The following SCN11A variants were observed in gnomAD, a reference collection of about 807,000 sequenced individuals.
SCN11A encodes the protein sodium channel protein type 11 subunit alpha.
In SCN11A, 122 loss-of-function variants were observed where a neutral mutation model predicts 162.2. That is an observed-to-expected ratio of 0.75 (90% confidence interval 0.65 to 0.87). The LOEUF is 0.87. Among genes scored for constraint, SCN11A ranks in the 40% least tolerant of loss-of-function variants. The pLI is 0.00. For synonymous variants in SCN11A, 758 were observed against 751.5 expected (o/e 1.01, Z -0.14); for missense variants, 2,015 against 2,181.6 (o/e 0.92, Z 1.52).
chr3:39,050,003 A>C (rs2032283144), intron 1 of SCN11A, among the ~76,000 whole-genome samples: 2 of 152,252 alleles, frequency 1.3e-5, no homozygotes, highest in South Asian at 4.1e-4. Context: ...AGCAAGTACC[A>C]GTATATTGTC....
At chr3:38,892,943 AT>A (rs1245970549) in intron 19 of SCN11A, among the ~76,000 whole-genome samples, 2 of 152,158 alleles carry the variant, frequency 1.3e-5, no homozygotes, top group Non-Finnish European at 2.9e-5. Context: ...CAGTAGAGAA[AT>A]AATAAAGGAA....
At chr3:38,915,565 A>C (rs1047411187) in intron 11 of SCN11A, among the ~76,000 whole-genome samples, 1 of 152,160 alleles carries the variant, frequency 6.6e-6, no homozygotes, top group African/African-American at 2.4e-5. Flanking sequence ...TTTACCCAAA[A>C]GTCATTCAGA....
chr3:38,879,418 T>A (rs1342726103), intron 23 of SCN11A, among the ~76,000 whole-genome samples: 2 of 152,158 alleles, frequency 1.3e-5, no homozygotes, highest in Non-Finnish European at 2.9e-5. Flanking sequence ...AAATTGATAA[T>A]CCTCTGAGCT....
intron 19 of SCN11A, among the ~76,000 whole-genome samples, chr3:38,893,260 G>C (rs888340500): frequency 1.3e-5 from 2 of 152,038 alleles, no homozygotes; most frequent in Non-Finnish European, 2.9e-5. Flanking sequence ...AAACTTACTA[G>C]AGATAAAGAG....
intron 2 of SCN11A, among the ~76,000 whole-genome samples, chr3:38,968,057 G>A (rs1174227510): frequency 6.6e-6 from 1 of 152,204 alleles, no homozygotes; most frequent in Non-Finnish European, 1.5e-5. Context: ...AATTCAAGGG[G>A]AGAGAAGCTT....
At chr3:38,904,516 C>CATCTAT (rs2065759352) in intron 15 of SCN11A, among the ~76,000 whole-genome samples, 1 of 152,050 alleles carries the variant, frequency 6.6e-6, no homozygotes, top group Non-Finnish European at 1.5e-5. Context: ...AGGGAAGGGG[C>CATCTAT]ATCTATAAGC....
At chr3:38,963,455 T>TATATATATATATGATGGAG (rs1559558402) in intron 2 of SCN11A, among the ~76,000 whole-genome samples, 3 of 125,134 alleles carry the variant, frequency 2.4e-5, no homozygotes, top group Admixed American at 2.4e-4. Context: ...GATGGAGATA[T>TATATATATATATGATGGAG]ATATATATAT....
intron 3 of SCN11A, among the ~76,000 whole-genome samples, chr3:38,958,739 TAAC>T (rs1375293248): frequency 6.6e-6 from 1 of 152,206 alleles, no homozygotes; most frequent in African/African-American, 2.4e-5. Context: ...CTAAACCCTA[TAAC>T]AAGAACATTT....
Position 38,894,825 on chromosome 3 carries a change from T to C in SCN11A, c.2543A>G (p.His848Arg). Residue 848 changes from histidine to arginine, a missense_variant, in exon 19 of 30, where the codon CAC becomes CGC. Transcript: ENST00000302328. ...CTTGTGACAGAAATGCTCAAGAGTG[T>C]GTCTCACAAAACAAAAAGCCCGGCG... ...RFRRAFCFVR[H>R]TLEHFCHKWC... 1 of 1,614,222 alleles carries C rather than the reference T, an allele frequency of 6.2e-7. No homozygotes were observed. Among genetic ancestry groups the C allele is most frequent in the Non-Finnish European group, 8.5e-7 (1 of 1,180,038 alleles).
chr3:38,900,679 A>C (rs1487180642), intron 16 of SCN11A, among the ~76,000 whole-genome samples: 1 of 152,140 alleles, frequency 6.6e-6, no homozygotes, highest in Non-Finnish European at 1.5e-5. Context: ...GATAAGCCTT[A>C]AATTTGTTAT....
intron 2 of SCN11A, among the ~76,000 whole-genome samples, chr3:38,999,842 T>C (rs941480446): frequency 1.3e-5 from 2 of 152,174 alleles, no homozygotes; most frequent in Non-Finnish European, 2.9e-5. Context: ...GGTACTCCAA[T>C]AGTAAATACT....
At chr3:38,875,542 G>A (rs2065194089) in intron 23 of SCN11A, among the ~76,000 whole-genome samples, 2 of 152,024 alleles carry the variant, frequency 1.3e-5, no homozygotes, top group Admixed American at 6.6e-5. Context: ...CAAATCAGTA[G>A]CACTGTGATA....
chr3:38,988,531 C>T (rs2030341309), intron 2 of SCN11A, among the ~76,000 whole-genome samples: 1 of 152,088 alleles, frequency 6.6e-6, no homozygotes, highest in Non-Finnish European at 1.5e-5. Flanking sequence ...CCTGTCCAGC[C>T]CTTACTCCAT....
intron 7 of SCN11A, among the ~76,000 whole-genome samples, chr3:38,931,402 C>T (rs774229200): frequency 4.6e-5 from 7 of 152,118 alleles, no homozygotes; most frequent in East Asian, 1.9e-4. Context: ...GACCACTAAC[C>T]GGTGTCCCAG....
At chr3:38,874,425 C>T (rs1181454561) in intron 23 of SCN11A, among the ~76,000 whole-genome samples, 1 of 152,116 alleles carries the variant, frequency 6.6e-6, no homozygotes, top group Non-Finnish European at 1.5e-5. Context: ...TGGTAAAACC[C>T]TGTCTCCATA....
At chr3:38,995,099 A>G (rs922189046) in intron 2 of SCN11A, among the ~76,000 whole-genome samples, 1 of 152,092 alleles carries the variant, frequency 6.6e-6, no homozygotes, top group South Asian at 2.1e-4. Flanking sequence ...AAATAAGCCC[A>G]TATCAGCATA....
At position 39,029,817 on chromosome 3, in the gene SCN11A, T is replaced by G. The variant is rs942873366; in HGVS notation, c.-280+2563A>C. Among the ~76,000 whole-genome samples the G allele has an allele frequency of 4.6e-5, 7 of 152,214 alleles. 1 individual carries two copies. The highest frequency in any genetic ancestry group is 4.6e-4 in the Admixed American group (7 of 15,282). On this transcript the variant is annotated intron_variant, in intron 2 of 29. Coordinates refer to ENST00000302328, the MANE Select transcript of SCN11A (RefSeq NM_001349253.2). ...TGTACAACCAATTAGCAAAGAAAGA[T>G]TCCAGATTCACAACCCTAATTTTGA...
chr3:38,909,583 CTTTTTTT>C (rs57060960), intron 12 of SCN11A, among the ~76,000 whole-genome samples: 26 of 133,492 alleles, frequency 1.9e-4, no homozygotes, highest in Non-Finnish European at 2.9e-4. Context: ...CTTGAAGTTT[CTTTTTTT>C]TTTTTTTTTT....
At chr3:39,021,757 G>A (rs1002855382) in intron 2 of SCN11A, among the ~76,000 whole-genome samples, 4 of 152,266 alleles carry the variant, frequency 2.6e-5, no homozygotes, top group African/African-American at 9.6e-5. Context: ...ACAATGATAC[G>A]ACTCAGGTAA....
Sources: gnomAD v4.1 joint callset for allele counts (sites outside exome capture counted in the v4.1 genomes callset) on GRCh38, gnomAD v4.1.1 for gene constraint, MANE v1.5 for transcripts, NCBI Gene and HGNC (gene_info 2026-07-23, HGNC 2026-07-21) for gene names.